The following DSG2 variants were observed in gnomAD, a reference collection of about 807,000 sequenced individuals.
DSG2 encodes desmoglein-2.
In DSG2, 45 loss-of-function variants were observed where a neutral mutation model predicts 75.6. The observed-to-expected ratio is 0.60, with a 90% CI of 0.47 to 0.76. The LOEUF (loss-of-function observed/expected upper bound fraction) is 0.76. Ranked by LOEUF, DSG2 falls within the 30% of genes least tolerant of loss-of-function variation. DSG2 has a pLI of 0.00. For missense variants in DSG2, 1,267 were observed against 1,357.4 expected (o/e 0.93, Z 1.05); for synonymous variants, 429 against 483.9 (o/e 0.89, Z 1.49).
chr18:31,548,655 C>G lies in DSG2; in HGVS notation c.*1912C>G, dbSNP rs1247180811. The G allele has an allele frequency of 6.6e-6, 1 of 152,192 alleles. No individual in the cohort carries two copies. The highest frequency in any genetic ancestry group is 2.4e-5 in the African/African-American group (1 of 41,446). 9.4% of individuals were successfully genotyped at this position (152,192 alleles called of 1,614,324 possible). A position where few individuals can be genotyped will look rare whatever the true frequency, so the allele number is the denominator to read the frequency against. On this transcript the variant is annotated 3_prime_UTR_variant, in exon 15 of 15. Transcript: ENST00000261590. ...TGTAAATATCACTTGTGTACTCAAA[C>G]AAAAGTTGGTCTTAAGCTTCCACCT...
chr18:31,520,847 C>A lies in DSG2; in HGVS notation c.261C>A (p.Tyr87Ter), dbSNP rs1175183896. 1.2e-6 allele frequency: 2 copies of A among 1,613,746 alleles called. No homozygotes were observed. The highest frequency in any genetic ancestry group is 1.1e-5 in the South Asian group (1 of 91,064). ...LAEERGLKIT[Y>*]KYTGKGITEP... Reference sequence around the variant, plus strand: ...AAGAAAGAGGACTCAAAATTACTTACAAATACACTGGAAAAGGGATTACAG... The same window carrying A: ...AAGAAAGAGGACTCAAAATTACTTAAAAATACACTGGAAAAGGGATTACAG... The change falls in exon 4 of 15, where the codon TAC (tyrosine) becomes TAA (stop). Residue 87 changes from tyrosine (Y) to a stop codon, truncating the protein, a stop_gained. Transcript: ENST00000261590. LOFTEE classifies it high-confidence loss of function.
At chr18:31,500,206 G>A (rs79320567) in intron 1 of DSG2, among the ~76,000 whole-genome samples, 1,963 of 152,194 alleles carry the variant, frequency 0.013, 32 homozygotes, top group African/African-American at 0.043. Flanking sequence ...GGTTTATTTC[G>A]GGGCACTAAA....
intron 5 of DSG2, 73 bp downstream of exon 5, chr18:31,521,316 A>G: frequency 2.1e-6 from 3 of 1,423,586 alleles, no homozygotes; most frequent in Non-Finnish European, 2.9e-6. Flanking sequence ...AATAAACACT[A>G]AATTTCATAT....
chr18:31,534,551 C>T (rs978342897), intron 9 of DSG2, among the ~76,000 whole-genome samples: 2 of 130,502 alleles, frequency 1.5e-5, no homozygotes, highest in Non-Finnish European at 3.1e-5. Context: ...TGCTCTGTCA[C>T]CCAGGCTAGA....
rs1231439368 is a variant in DSG2 at position 31,524,734 on chromosome 18, A to G, written c.860A>G (p.Asn287Ser). The G allele has an allele frequency of 1.2e-6, 2 of 1,614,190 alleles. No individual in the cohort carries two copies. Among genetic ancestry groups the G allele is most frequent in the Non-Finnish European group, 1.7e-6 (2 of 1,180,030 alleles). The change falls in exon 8 of 15, where the codon AAC (asparagine) becomes AGC (serine). Residue 287 changes from asparagine (N) to serine (S), a missense_variant. Transcript: ENST00000261590. ...LEGMVEENQV[N>S]VEVTRIKVFD... ...GGGATGGTTGAAGAAAATCAAGTCA[A>G]CGTAGAAGTTACGCGCATAAAAGTG... is the stretch of plus-strand genomic sequence containing the variant.
intron 14 of DSG2, among the ~76,000 whole-genome samples, chr18:31,544,802 A>T (rs918873533): frequency 6.6e-6 from 1 of 152,200 alleles, no homozygotes; most frequent in Admixed American, 6.5e-5. Flanking sequence ...GGTTTTCTTG[A>T]GAACAAGGCC....
intron 14 of DSG2, 127 bp downstream of exon 14, chr18:31,542,979 T>A (rs1176737958): frequency 1.2e-6 from 1 of 829,466 alleles, no homozygotes; most frequent in East Asian, 2.7e-5. Flanking sequence ...TTTTTCTTTT[T>A]TCAGGGAATA....
At chr18:31,506,689 T>G (rs60489197) in intron 1 of DSG2, among the ~76,000 whole-genome samples, 4,805 of 152,326 alleles carry the variant, frequency 0.032, 247 homozygotes, top group African/African-American at 0.11. Flanking sequence ...ACCTATAATT[T>G]TTGTTTATCA....
intron 14 of DSG2, among the ~76,000 whole-genome samples, chr18:31,544,069 AT>A (rs1432716341): frequency 6.6e-6 from 1 of 152,198 alleles, no homozygotes; most frequent in African/African-American, 2.4e-5. Context: ...AGACAAATTC[AT>A]AATGATAGTT....
chr18:31,521,200 A>C lies in DSG2; in HGVS notation c.480A>C (p.Thr160=). ...LDINDNEPVF[T]QDVFVGSVEE... ...TCAATGACAACGAACCAGTGTTCAC[A>C]CAGGATGTCTTTGTTGGGTCTGTTG... Residue 160 remains threonine (T), a synonymous_variant, in exon 5 of 15, where the codon ACA becomes ACC. Coordinates refer to ENST00000261590, the MANE Select transcript of DSG2 (RefSeq NM_001943.5). The C allele has an allele frequency of 1.2e-6, 2 of 1,613,888 alleles. No homozygotes were observed. Among genetic ancestry groups the C allele is most frequent in the African/African-American group, 1.3e-5 (1 of 74,992 alleles).
chr18:31,508,649 C>T (rs1427058820), intron 1 of DSG2, among the ~76,000 whole-genome samples: 1 of 152,162 alleles, frequency 6.6e-6, no homozygotes, highest in Non-Finnish European at 1.5e-5. Flanking sequence ...CTACCTCTGC[C>T]TCCCAAAGTG....
At position 31,541,447 on chromosome 18, in the gene DSG2, C is replaced by G. The variant is rs374895418; in HGVS notation, c.2001+133C>G. On this transcript the variant is annotated intron_variant, in intron 13 of 14. Coordinates refer to ENST00000261590, the MANE Select transcript of DSG2 (RefSeq NM_001943.5). The stretch of plus-strand genomic sequence containing the variant: ...ATTTCACTCATGTGCCTTTGTTAAG[C>G]AAAGAGTTCAAATGACAGCATATTT... The G allele has an allele frequency of 4.3e-6, 5 of 1,168,080 alleles. No homozygotes were observed. The African/African-American group carries it at 4.6e-5, about 11-fold the overall frequency. The allele number at this position is 1,168,080 out of a possible 1,614,324, so 72.4% of individuals were successfully genotyped here.
At position 31,498,218 on chromosome 18, in the gene DSG2, C is replaced by T; in HGVS notation, c.-34C>T. The T allele has an allele frequency of 1.6e-6, 2 of 1,243,918 alleles. No homozygotes were observed. The highest frequency in any genetic ancestry group is 1.0e-6 in the Non-Finnish European group (1 of 991,016). The allele number at this position is 1,243,918 out of a possible 1,614,324, so 77.1% of individuals were successfully genotyped here. ...GCTCGGGGCAGGCGGCGGCGCGGAG[C>T]GGTGCGGCGGCGGGAGGCGGAGGCG... On this transcript the variant is annotated 5_prime_UTR_variant, in exon 1 of 15. Transcript: ENST00000261590.
At chr18:31,499,397 G>A (rs1485213682) in intron 1 of DSG2, among the ~76,000 whole-genome samples, 1 of 151,350 alleles carries the variant, frequency 6.6e-6, no homozygotes. Flanking sequence ...TCTCAAAACG[G>A]AAAAAGGCGT....
At chr18:31,539,260 A>C (rs920669215) in intron 12 of DSG2, among the ~76,000 whole-genome samples, 4 of 152,136 alleles carry the variant, frequency 2.6e-5, no homozygotes, top group Non-Finnish European at 5.9e-5. Context: ...GAGCTCTGTG[A>C]GGGCAGCATG....
chr18:31,513,628 T>C (rs762780725), intron 1 of DSG2, among the ~76,000 whole-genome samples: 11 of 152,200 alleles, frequency 7.2e-5, no homozygotes, highest in Non-Finnish European at 1.2e-4. Context: ...ACAGTATGTA[T>C]TACTCTCCTG....
intron 10 of DSG2, among the ~76,000 whole-genome samples, chr18:31,535,735 G>C (rs1188095244): frequency 6.6e-6 from 1 of 150,380 alleles, no homozygotes; most frequent in Non-Finnish European, 1.5e-5. Context: ...TAGAGGAGCG[G>C]AGATCGCGCC....
rs1394647762 is a variant in DSG2, at chr18:31,522,057, T to G, written c.524-26T>G. On this transcript the variant is annotated intron_variant, in intron 5 of 14. Coordinates refer to ENST00000261590, the MANE Select transcript of DSG2 (RefSeq NM_001943.5). ...AATATGCTTAAAGTTGAATTTCATC[T>G]TAGACATCTTTATTTCTAATGCCAG... is the stretch of plus-strand genomic sequence containing the variant. 5 of 1,608,482 alleles carry G rather than the reference T, an allele frequency of 3.1e-6. No homozygotes were observed. In the African/African-American group the frequency reaches 5.3e-5, roughly 17 times the overall value.
chr18:31,538,827 G>C lies in DSG2; in HGVS notation c.1728G>C (p.Gln576His). The C allele has an allele frequency of 6.2e-7, 1 of 1,614,184 alleles. No individual in the cohort carries two copies. The highest frequency in any genetic ancestry group is 1.1e-5 in the South Asian group (1 of 91,080). Residue 576 changes from glutamine to histidine, a missense_variant, in exon 12 of 15, where the codon CAG (glutamine) becomes CAC (histidine). Transcript: ENST00000261590. ...TTCAGTTCCTGATTTCAGACAATCA[G>C]GGTTTTAGTTGTCCTGAAAAGCAGG... is the stretch of plus-strand genomic sequence containing the variant. Reference protein sequence around the residue: ...SEIQFLISDNQGFSCPEKQVL... With the variant: ...SEIQFLISDNHGFSCPEKQVL...
Sources: allele counts gnomAD v4.1 joint callset (sites outside exome capture counted in the v4.1 genomes callset), GRCh38; gene constraint gnomAD v4.1.1; transcripts MANE v1.5; gene names NCBI Gene and HGNC (gene_info 2026-07-23, HGNC 2026-07-21).